The following FARS2 variants were observed in gnomAD, a reference collection of about 807,000 sequenced individuals.
The protein encoded by FARS2 is phenylalanyl-tRNA synthetase 2, mitochondrial, also known as phenylalanine--tRNA ligase, mitochondrial.
Under a neutral mutation model 46.4 loss-of-function variants are expected in FARS2, and 40 were observed. That is an observed-to-expected ratio of 0.86 (90% CI 0.67 to 1.12). FARS2 has a LOEUF of 1.12. Ranked by LOEUF, FARS2 falls within the 50% of genes most tolerant of loss-of-function variation. FARS2 has a pLI of 0.00. For missense variants in FARS2, 513 were observed against 567.9 expected, an observed-to-expected ratio of 0.90 and a Z score of 0.98; for synonymous variants, 234 against 214.9, an observed-to-expected ratio of 1.09 and a Z score of -0.78.
Position 5,390,160 on chromosome 6 carries a change from A to G in FARS2, c.613-14382A>G, listed in dbSNP as rs1760409774. ...ATTACAGGCATGAGCCACTGCACCC[A>G]GCCTCTACTACAGTTTTTTTGTTCC... On this transcript the variant is annotated intron_variant, in intron 2 of 6. Transcript: ENST00000274680. 3.3e-5 allele frequency among the ~76,000 whole-genome samples: 5 copies of G among 152,110 alleles called. No homozygotes were observed. The South Asian group carries it at 1.0e-3, about 31-fold the overall frequency.
intron 6 of FARS2, among the ~76,000 whole-genome samples, chr6:5,638,523 C>T (rs183284494): frequency 6.6e-6 from 1 of 152,212 alleles, no homozygotes; most frequent in Non-Finnish European, 1.5e-5. Context: ...CAAGATCGTG[C>T]CACTGCACTC....
rs185728031 is a variant in FARS2 at position 5,405,518 on chromosome 6, C to T, written c.772+817C>T. Among the ~76,000 whole-genome samples, 202 of 81,120 alleles carry T rather than the reference C, an allele frequency of 2.5e-3. 3 individuals carry two copies. The highest frequency in any genetic ancestry group is 0.03 in the Middle Eastern group (2 of 66). The allele number at this position is 81,120 out of a possible 152,430, so 53.2% of individuals were successfully genotyped here. A position where few individuals can be genotyped will look rare whatever the true frequency, so the allele number is the denominator to read the frequency against. ...TTTTTTTTTTTTTGAGACGGAGTCTCGCTCTGTCTCCCAGGCTGGGGTGCA... is the reference window on the plus strand; with the variant it reads ...TTTTTTTTTTTTTGAGACGGAGTCTTGCTCTGTCTCCCAGGCTGGGGTGCA... On this transcript the variant is annotated intron_variant, in intron 3 of 6. Transcript: ENST00000274680.
chr6:5,396,259 G>A (rs1471015098), intron 2 of FARS2, among the ~76,000 whole-genome samples: 1 of 152,020 alleles, frequency 6.6e-6, no homozygotes, highest in African/African-American at 2.4e-5. Context: ...TTTCCTCAGG[G>A]GAAATAAATT....
At chr6:5,604,138 A>G (rs1340719522) in intron 5 of FARS2, among the ~76,000 whole-genome samples, 1 of 152,150 alleles carries the variant, frequency 6.6e-6, no homozygotes, top group East Asian at 1.9e-4. Flanking sequence ...TCCTTTCAAG[A>G]CACAGATGAG....
At position 5,505,352 on chromosome 6, in the gene FARS2, G is replaced by T. The variant is rs187357070; in HGVS notation, c.905-39828G>T. Among the ~76,000 whole-genome samples the T allele has an allele frequency of 1.2e-4, 18 of 152,164 alleles. No homozygotes were observed. In the East Asian group the frequency reaches 3.1e-3, roughly 26 times the overall value. ...TCCACCATGACCCCCTTTCTTAATTGAGTAGCTCCACTCCAACTTGGACAG... is the reference window on the plus strand; with the variant it reads ...TCCACCATGACCCCCTTTCTTAATTTAGTAGCTCCACTCCAACTTGGACAG... On this transcript the variant is annotated intron_variant, in intron 4 of 6. Coordinates refer to ENST00000274680, the MANE Select transcript of FARS2 (RefSeq NM_006567.5).
chr6:5,664,681 G>C (rs1021993787), intron 6 of FARS2, among the ~76,000 whole-genome samples: 1 of 152,140 alleles, frequency 6.6e-6, no homozygotes, highest in Non-Finnish European at 1.5e-5. Flanking sequence ...TCTCTTAGTA[G>C]GACATGAGAT....
chr6:5,279,572 G>GTA (rs1217640528), intron 1 of FARS2, among the ~76,000 whole-genome samples: 2 of 147,824 alleles, frequency 1.4e-5, no homozygotes, highest in African/African-American at 5.0e-5. Flanking sequence ...GTGTGTGTGT[G>GTA]TGTATATATA....
At chr6:5,355,338 A>G (rs1282799895) in intron 1 of FARS2, among the ~76,000 whole-genome samples, 1 of 151,064 alleles carries the variant, frequency 6.6e-6, no homozygotes, top group Non-Finnish European at 1.5e-5. Flanking sequence ...GTTTGAACCC[A>G]AAGGATAATT....
chr6:5,688,062 CTT>C (rs559779532), intron 6 of FARS2, among the ~76,000 whole-genome samples: 39 of 152,308 alleles, frequency 2.6e-4, no homozygotes, highest in African/African-American at 9.1e-4. Flanking sequence ...TATCCTGAGA[CTT>C]TGCTGAAGTT....
chr6:5,416,003 G>C (rs1235816074), intron 3 of FARS2, among the ~76,000 whole-genome samples: 1 of 152,172 alleles, frequency 6.6e-6, no homozygotes, highest in East Asian at 1.9e-4. Context: ...TATTGCGCCT[G>C]GCCCTATTAT....
In FARS2 at chr6:5,311,723, T is replaced by C. The variant is rs1769091214; in HGVS notation, c.-22+50063T>C. Among the ~76,000 whole-genome samples, 2 of 152,204 alleles carry C rather than the reference T, an allele frequency of 1.3e-5. No homozygotes were observed. Among genetic ancestry groups the C allele is most frequent in the African/African-American group, 4.8e-5 (2 of 41,444 alleles). On this transcript the variant is annotated intron_variant, in intron 1 of 6. Coordinates refer to ENST00000274680, the MANE Select transcript of FARS2 (RefSeq NM_006567.5). The surrounding 1 kb of genome is among the most constrained non-coding windows in gnomAD (Gnocchi z 4.1). Reference sequence around the variant, plus strand: ...TTTAGCTAAGACTAGGACCATGTGCTCTTTTTTTTGGCATGGAGGGTAAGT... The same window carrying C: ...TTTAGCTAAGACTAGGACCATGTGCCCTTTTTTTTGGCATGGAGGGTAAGT...
intron 1 of FARS2, among the ~76,000 whole-genome samples, chr6:5,263,534 C>T (rs1765340836): frequency 6.6e-6 from 1 of 152,130 alleles, no homozygotes; most frequent in African/African-American, 2.4e-5. Context: ...AAAAAAATAA[C>T]TCGATTTGAG....
intron 4 of FARS2, among the ~76,000 whole-genome samples, chr6:5,533,999 T>A (rs1192163048): frequency 1.3e-5 from 2 of 152,240 alleles, no homozygotes; most frequent in Non-Finnish European, 2.9e-5. Context: ...TAACTATTTC[T>A]AAACTGAGCC....
intron 5 of FARS2, among the ~76,000 whole-genome samples, chr6:5,596,869 T>A (rs956141716): frequency 1.3e-5 from 2 of 152,200 alleles, no homozygotes; most frequent in East Asian, 3.8e-4. Context: ...TCACTTATAA[T>A]CTTTGTTAGG....
In FARS2 at chr6:5,609,214, C is replaced by T. The variant is rs1775026405; in HGVS notation, c.1066-3955C>T. 1.0e-5 allele frequency: 12 copies of T among 1,194,538 alleles called. No homozygotes were observed. The Admixed American group carries it at 1.4e-4, about 13-fold the overall frequency. 74.0% of individuals were successfully genotyped at this position (1,194,538 alleles called of 1,614,324 possible). The stretch of plus-strand genomic sequence containing the variant: ...TCTCTGGCTCTCCTCTCCGGCTAAG[C>T]TTTGTTTCCTAATTAAAATCTTCTG... On this transcript the variant is annotated intron_variant, in intron 5 of 6. Transcript: ENST00000274680.
intron 3 of FARS2, among the ~76,000 whole-genome samples, chr6:5,421,107 G>C (rs1195348844): frequency 2.0e-5 from 3 of 152,170 alleles, no homozygotes; most frequent in Admixed American, 6.5e-5. Context: ...GCATTTCCAT[G>C]CATCTTGTGA....
intron 4 of FARS2, among the ~76,000 whole-genome samples, chr6:5,487,737 T>A (rs550653970): frequency 6.6e-6 from 1 of 152,320 alleles, no homozygotes; most frequent in African/African-American, 2.4e-5. Flanking sequence ...CAGGGCCTCC[T>A]CTGGAAAATG....
intron 4 of FARS2, among the ~76,000 whole-genome samples, chr6:5,492,627 G>A (rs1767190765): frequency 6.6e-6 from 1 of 152,294 alleles, no homozygotes; most frequent in Admixed American, 6.5e-5. Flanking sequence ...TTGGCAGTTG[G>A]CATATTTTCT....
At position 5,368,939 on chromosome 6, in the gene FARS2, G is replaced by A; in HGVS notation, c.369G>A (p.Trp123Ter). 1 of 1,614,156 alleles carries A rather than the reference G, an allele frequency of 6.2e-7. No individual in the cohort carries two copies. Among genetic ancestry groups the A allele is most frequent in the African/African-American group, 1.3e-5 (1 of 75,018 alleles). The change falls in exon 2 of 7, where the codon TGG (tryptophan) becomes TGA (stop). Residue 123 changes from tryptophan (W) to a stop codon, truncating the protein, a stop_gained. Coordinates refer to ENST00000274680, the MANE Select transcript of FARS2 (RefSeq NM_006567.5). LOFTEE classifies it high-confidence loss of function. ...YDNLSPVVTTWQNFDSLLIPA... is the reference protein window; with the variant it reads ...YDNLSPVVTT ...ACCTTTCTCCAGTGGTCACGACCTGGCAGAACTTTGACAGCCTGCTCATCC... is the reference window on the plus strand; with the variant it reads ...ACCTTTCTCCAGTGGTCACGACCTGACAGAACTTTGACAGCCTGCTCATCC...
Sources: allele counts gnomAD v4.1 joint callset (sites outside exome capture counted in the v4.1 genomes callset), GRCh38; gene constraint gnomAD v4.1.1; non-coding constraint Gnocchi (gnomAD v3.1); transcripts MANE v1.5; gene names NCBI Gene and HGNC (gene_info 2026-07-23, HGNC 2026-07-21).